The following HYAL4 variants were observed in gnomAD, a reference collection of about 807,000 sequenced individuals.
The protein encoded by HYAL4 is hyaluronidase-4.
In HYAL4, 37 loss-of-function variants were observed where a neutral mutation model predicts 35.2. That is an observed-to-expected ratio of 1.05 (90% CI 0.81 to 1.38). HYAL4 has a LOEUF of 1.38. Ranked by LOEUF, HYAL4 falls within the 40% of genes most tolerant of loss-of-function variation. The pLI is 0.00. For missense variants in HYAL4, 572 were observed against 572.4 expected, an observed-to-expected ratio of 1.00 and a Z score of 0.01; for synonymous variants, 198 against 203.2, an observed-to-expected ratio of 0.97 and a Z score of 0.22.
chr7:123,804,828 A>C, the HYAL4 span, among the ~76,000 whole-genome samples: 6 of 152,348 alleles, frequency 3.9e-5, no homozygotes, highest in Admixed American at 2.6e-4. Context: ...TTCCACAGTT[A>C]TTTCACAGGA....
intron 2 of HYAL4, among the ~76,000 whole-genome samples, chr7:123,855,334 C>T (rs1806411412): frequency 6.6e-6 from 1 of 152,096 alleles, no homozygotes; most frequent in Non-Finnish European, 1.5e-5. Context: ...TTTGCAGTGG[C>T]GGGTACCATT....
At chr7:123,843,964 TTTG>T (rs1436757746), upstream of HYAL4, among the ~76,000 whole-genome samples, 13 of 152,126 alleles carry the variant, frequency 8.5e-5, no homozygotes, top group Admixed American at 2.6e-4. Context: ...CTCAGAGAAG[TTTG>T]TTATTACTGA....
chr7:123,837,664 T>C (rs1584909806), intron 1 of HYAL4, among the ~76,000 whole-genome samples: 2 of 149,304 alleles, frequency 1.3e-5, no homozygotes, highest in South Asian at 4.4e-4. Flanking sequence ...CTTCTAATGC[T>C]ATCCCTCCCC....
At position 123,868,477 on chromosome 7, in the gene HYAL4, T is replaced by G; in HGVS notation, c.204T>G (p.Asn68Lys). The change falls in exon 3 of 5, where the codon AAT (asparagine) becomes AAG (lysine). Residue 68 changes from asparagine to lysine, a missense_variant. Asn to Lys is a moderately conservative substitution (Grantham distance 94). Coordinates refer to ENST00000223026, the MANE Select transcript of HYAL4 (RefSeq NM_012269.3). ...QCLIKYNLRL[N>K]LKMFPVIGSP... is the part of the protein sequence containing the mutation. The stretch of plus-strand genomic sequence containing the variant: ...TGATAAAATATAATTTAAGACTAAA[T>G]TTGAAAATGTTTCCTGTGATTGGAA... 1 of 1,604,264 alleles carries G rather than the reference T, an allele frequency of 6.2e-7. No individual in the cohort carries two copies. Among genetic ancestry groups the G allele is most frequent in the Admixed American group, 1.7e-5 (1 of 57,244 alleles).
the HYAL4 span, among the ~76,000 whole-genome samples, chr7:123,818,408 TCAAGAGTCTACTGATTCTCATTCC>T: frequency 6.6e-6 from 1 of 152,172 alleles, no homozygotes; most frequent in Non-Finnish European, 1.5e-5. Context: ...ATACTCATTC[TCAAGAGTCTACTGATTCTCATTCC>T]CAAGAGTCAT....
At chr7:123,769,944 A>G in the HYAL4 span, among the ~76,000 whole-genome samples, 1,521 of 152,154 alleles carry the variant, frequency 1.0e-2, 25 homozygotes, top group African/African-American at 0.034. Flanking sequence ...TGAAATAACA[A>G]ACGTGTGGTT....
chr7:123,857,822 C>G (rs1353156498), intron 2 of HYAL4, among the ~76,000 whole-genome samples: 3 of 151,856 alleles, frequency 2.0e-5, no homozygotes. Context: ...TGGCACAATT[C>G]AGTTGCAACA....
chr7:123,862,460 TAAG>T (rs953666599), intron 2 of HYAL4, among the ~76,000 whole-genome samples: 2 of 152,148 alleles, frequency 1.3e-5, no homozygotes, highest in Admixed American at 6.6e-5. Context: ...ACCTGAATAT[TAAG>T]AAGGGAGTAT....
the HYAL4 span, among the ~76,000 whole-genome samples, chr7:123,803,214 G>T: frequency 6.6e-6 from 1 of 152,174 alleles, no homozygotes; most frequent in South Asian, 2.1e-4. Context: ...GATTGCTTTA[G>T]TCCAGGAGTT....
chr7:123,809,378 CT>C, the HYAL4 span, among the ~76,000 whole-genome samples: 6 of 146,880 alleles, frequency 4.1e-5, no homozygotes, highest in Non-Finnish European at 7.5e-5. Flanking sequence ...TTCTTTCTTT[CT>C]TTTTTTTCTT....
chr7:123,867,190 A>AG (rs1347761912), intron 2 of HYAL4, among the ~76,000 whole-genome samples: 3 of 152,202 alleles, frequency 2.0e-5, no homozygotes, highest in African/African-American at 7.2e-5. Context: ...CACTGAGTCA[A>AG]GGAGTATTGC....
chr7:123,839,738 A>G (rs1806022794), intron 1 of HYAL4, among the ~76,000 whole-genome samples: 1 of 152,222 alleles, frequency 6.6e-6, no homozygotes, highest in Non-Finnish European at 1.5e-5. Context: ...ATGACCAGTG[A>G]TGATGAGAAC....
At chr7:123,865,354 G>T (rs911301708) in intron 2 of HYAL4, among the ~76,000 whole-genome samples, 2 of 151,946 alleles carry the variant, frequency 1.3e-5, no homozygotes, top group African/African-American at 2.4e-5. Context: ...TTCTTACCTG[G>T]AGGCAAAATA....
At chr7:123,838,214 C>A (rs1343504116) in intron 1 of HYAL4, among the ~76,000 whole-genome samples, 1 of 150,872 alleles carries the variant, frequency 6.6e-6, no homozygotes, top group East Asian at 1.9e-4. Flanking sequence ...TGTTGTTTAC[C>A]TCTACCATAG....
At chr7:123,866,833 C>G (rs188626822) in intron 2 of HYAL4, among the ~76,000 whole-genome samples, 5 of 148,764 alleles carry the variant, frequency 3.4e-5, no homozygotes, top group Admixed American at 6.7e-5. Context: ...GCTCTGTTGC[C>G]AGGCTGGAGG....
intron 2 of HYAL4, among the ~76,000 whole-genome samples, chr7:123,852,852 ATTC>A (rs1481179854): frequency 6.6e-6 from 1 of 152,226 alleles, no homozygotes; most frequent in Admixed American, 6.5e-5. Flanking sequence ...CATGATATTG[ATTC>A]TTCTTTTCCA....
rs547602576 is a variant in HYAL4, at chr7:123,839,530, T to A, written c.-256-4715T>A. Among the ~76,000 whole-genome samples, 65 of 152,340 alleles carry A rather than the reference T, an allele frequency of 4.3e-4. No homozygotes were observed. The South Asian group carries it at 0.013, about 31-fold the overall frequency. ...TGGGATTGCTGGGTCAAATGGTAAT[T>A]CTGGTTCTAGATCCTTGAGGAATCG... On this transcript the variant is annotated intron_variant, in intron 1 of 4. Transcript: ENST00000489978.
the HYAL4 span, among the ~76,000 whole-genome samples, chr7:123,803,236 T>G: frequency 6.6e-6 from 1 of 152,218 alleles, no homozygotes; most frequent in Non-Finnish European, 1.5e-5. Context: ...GAGGCCTGCC[T>G]GGGCAATGTC....
upstream of HYAL4, among the ~76,000 whole-genome samples, chr7:123,827,829 T>C (rs1219888847): frequency 6.6e-6 from 1 of 152,184 alleles, no homozygotes; most frequent in Non-Finnish European, 1.5e-5. Flanking sequence ...GCTTAATTGG[T>C]TTTTAATTAT....
Sources: gnomAD v4.1 joint callset for allele counts (sites outside exome capture counted in the v4.1 genomes callset) on GRCh38, gnomAD v4.1.1 for gene constraint, MANE v1.5 for transcripts, NCBI Gene and HGNC (gene_info 2026-07-23, HGNC 2026-07-21) for gene names.